The following NGEF variants were observed in gnomAD, a reference collection of about 807,000 sequenced individuals.
The protein encoded by NGEF is ephexin-1.
Under a neutral mutation model 80.9 loss-of-function variants are expected in NGEF, and 31 were observed. That is an observed-to-expected ratio of 0.38 (90% CI 0.29 to 0.52). The LOEUF (loss-of-function observed/expected upper bound fraction) is 0.52. NGEF is among the 20% of genes least tolerant of loss of function. NGEF has a pLI of 0.84. For missense variants in NGEF, 709 were observed against 926.2 expected (o/e 0.77, Z 3.04); for synonymous variants, 371 against 370.2 (o/e 1.00, Z -0.03).
chr2:232,920,220 C>G, intron 5 of NGEF, 64 bp downstream of exon 5: 2 of 1,518,810 alleles, frequency 1.3e-6, no homozygotes, highest in South Asian at 1.2e-5. Context: ...GGAAGCCTCA[C>G]CCCCAGCAGT....
intron 3 of NGEF, chr2:232,928,206 A>C: frequency 9.5e-6 from 6 of 628,682 alleles, no homozygotes; most frequent in African/African-American, 2.3e-5. Flanking sequence ...GCAACGAGGG[A>C]GGCGGGAGGG....
intron 2 of NGEF, among the ~76,000 whole-genome samples, 182 bp downstream of exon 2, chr2:232,974,441 G>A (rs1349827439): frequency 6.6e-6 from 1 of 152,136 alleles, no homozygotes; most frequent in Non-Finnish European, 1.5e-5. Flanking sequence ...AAGTACACAC[G>A]TCATCATAGT....
chr2:232,886,121 C>CCA (rs1691675487), intron 9 of NGEF, among the ~76,000 whole-genome samples: 8 of 73,128 alleles, frequency 1.1e-4, no homozygotes, highest in Admixed American at 2.6e-4. Flanking sequence ...CATGTGTGTG[C>CCA]TGTGTATATG....
At chr2:233,002,054 G>A (rs111906935) in intron 1 of NGEF, among the ~76,000 whole-genome samples, 19 of 152,092 alleles carry the variant, frequency 1.2e-4, no homozygotes, top group African/African-American at 4.1e-4. Flanking sequence ...GTAATGGCAG[G>A]GACATTGGGG....
At chr2:232,990,355 G>C (rs928516954) in intron 1 of NGEF, among the ~76,000 whole-genome samples, 1 of 152,104 alleles carries the variant, frequency 6.6e-6, no homozygotes, top group African/African-American at 2.4e-5. Flanking sequence ...AACAACTTGA[G>C]AGATGAAAGG....
At chr2:232,880,662 G>A (rs771498553) in intron 14 of NGEF, among the ~76,000 whole-genome samples, 2 of 152,140 alleles carry the variant, frequency 1.3e-5, no homozygotes, top group East Asian at 1.9e-4. Context: ...GAGGAACTTC[G>A]CTTGGTACTG....
intron 5 of NGEF, among the ~76,000 whole-genome samples, chr2:232,903,268 C>T (rs953049180): frequency 2.6e-5 from 4 of 152,176 alleles, no homozygotes; most frequent in South Asian, 2.1e-4. Flanking sequence ...TCTCAGTACC[C>T]GGTATTTCCA....
At position 232,920,290 on chromosome 2, in the gene NGEF, C is replaced by T. The variant is rs370630773; in HGVS notation, c.822G>A (p.Leu274=). ...LEILQPEEIK[L]QEAMFELVTS... is the part of the protein sequence containing the mutation. ...GCCCCTCGGCGCCTGTTACCTCCTG[C>T]AGCTTAATCTCCTCGGGCTGTAGGA... The change falls in exon 5 of 15, where the codon CTG becomes CTA. Residue 274 remains leucine (L), a synonymous_variant. Coordinates refer to ENST00000264051, the MANE Select transcript of NGEF (RefSeq NM_019850.3). 1.2e-6 allele frequency: 2 copies of T among 1,612,530 alleles called. No individual in the cohort carries two copies. The highest frequency in any genetic ancestry group is 1.7e-6 in the Non-Finnish European group (2 of 1,179,240).
chr2:232,884,542 T>C (rs1452711443), intron 10 of NGEF, among the ~76,000 whole-genome samples: 2 of 152,212 alleles, frequency 1.3e-5, no homozygotes, highest in African/African-American at 2.4e-5. Flanking sequence ...TCTGTCATCA[T>C]TGCCCCCACC....
rs544040415 is a variant in NGEF, at chr2:232,879,665, C to G, written c.1957G>C (p.Glu653Gln). ...DKTDDGWIFG[E>Q]RLHDQERGWF... ...CCTCTCTCCTGGTCGTGCAGACGCT[C>G]GCCAAAGATCCACCCTGTGCAGGGA... Residue 653 changes from glutamate (E) to glutamine (Q), a missense_variant, in exon 15 of 15, where the codon GAG (glutamate) becomes CAG (glutamine). Physicochemically the swap from Glu to Gln is conservative, Grantham distance 29 (BLOSUM62 2). Around this residue, in one of 2 missense-constraint regions of NGEF, gnomAD observed 426 missense variants for 622.9 expected, o/e 0.68. Transcript: ENST00000264051. 6.2e-7 allele frequency: 1 copy of G among 1,612,518 alleles called. No individual in the cohort carries two copies. The highest frequency in any genetic ancestry group is 8.5e-7 in the Non-Finnish European group (1 of 1,179,274).
chr2:232,928,683 G>C (rs1693150431), intron 3 of NGEF, among the ~76,000 whole-genome samples: 1 of 152,200 alleles, frequency 6.6e-6, no homozygotes, highest in Non-Finnish European at 1.5e-5. Flanking sequence ...TGGGGAGGGG[G>C]CCGGCGCGGA....
chr2:233,006,552 T>C (rs908622195), intron 1 of NGEF, among the ~76,000 whole-genome samples: 1 of 152,210 alleles, frequency 6.6e-6, no homozygotes, highest in African/African-American at 2.4e-5. Flanking sequence ...TGTGTACACA[T>C]TCCTGTTTAG....
chr2:232,992,213 T>C lies in NGEF; in HGVS notation c.-74-17249A>G, dbSNP rs371464542. Among the ~76,000 whole-genome samples the C allele has an allele frequency of 2.1e-3, 321 of 152,246 alleles. 2 individuals carry two copies. Among genetic ancestry groups the C allele is most frequent in the African/African-American group, 7.3e-3 (303 of 41,544 alleles). ...TGCACAAGCAACAAAAGAAAATAAA[T>C]TGGACGTCATCAAAATTTAAAACTT... On this transcript the variant is annotated intron_variant, in intron 1 of 14. Transcript: ENST00000264051.
At chr2:232,917,294 C>T (rs549766729) in intron 5 of NGEF, among the ~76,000 whole-genome samples, 5 of 152,284 alleles carry the variant, frequency 3.3e-5, no homozygotes, top group African/African-American at 1.2e-4. Context: ...GGTGTCTAAA[C>T]TCCAAAATTA....
chr2:232,921,993 C>T (rs2106278157), intron 4 of NGEF, among the ~76,000 whole-genome samples: 1 of 152,036 alleles, frequency 6.6e-6, no homozygotes, highest in South Asian at 2.1e-4. Flanking sequence ...CTGAGGGTGG[C>T]GTTGGGGTGG....
At chr2:232,996,652 G>A (rs960188777) in intron 1 of NGEF, among the ~76,000 whole-genome samples, 4 of 152,022 alleles carry the variant, frequency 2.6e-5, no homozygotes, top group African/African-American at 4.8e-5. Flanking sequence ...GCACCACCAC[G>A]CCTGGCTCAT....
chr2:232,890,929 T>C (rs1202168079), intron 8 of NGEF: 1 of 471,782 alleles, frequency 2.1e-6, no homozygotes, highest in Non-Finnish European at 4.4e-6. Flanking sequence ...TTTCTGTCCA[T>C]GAACCTTGCA....
chr2:232,975,294 GA>G (rs1282066125), intron 1 of NGEF, among the ~76,000 whole-genome samples: 2 of 152,160 alleles, frequency 1.3e-5, no homozygotes, highest in Non-Finnish European at 2.9e-5. Context: ...GGAATTCCAG[GA>G]AAGCATTGAG....
intron 3 of NGEF, among the ~76,000 whole-genome samples, chr2:232,930,276 C>G (rs898831281): frequency 6.6e-6 from 1 of 151,542 alleles, no homozygotes; most frequent in South Asian, 2.1e-4. Flanking sequence ...TATGGTAGCC[C>G]CATATGATGC....
Sources: allele counts gnomAD v4.1 joint callset (sites outside exome capture counted in the v4.1 genomes callset), GRCh38; gene constraint gnomAD v4.1.1; regional missense constraint gnomAD v4.1.1; transcripts MANE v1.5; gene names NCBI Gene and HGNC (gene_info 2026-07-23, HGNC 2026-07-21).